ANTXR1: variants seen among roughly 807,000 people sequenced by gnomAD.
ANTXR1 encodes the protein ANTXR cell adhesion molecule 1.
ANTXR1 carries 19 observed loss-of-function variants against 78.1 expected under a neutral mutation model. The observed-to-expected ratio is 0.24, with a 90% CI of 0.17 to 0.36. The LOEUF is 0.36. ANTXR1 is among the 10% of genes least tolerant of loss of function. ANTXR1 has a pLI of 1.00. For missense variants in ANTXR1, 518 were observed against 718.6 expected (o/e 0.72, Z 3.19); for synonymous variants, 273 against 260.5 (o/e 1.05, Z -0.46).
In ANTXR1 at chr2:69,013,368, GGGA is replaced by G; in HGVS notation, c.-130_-128del. The G allele has an allele frequency of 8.0e-7, 1 of 1,243,252 alleles. No individual in the cohort carries two copies. The highest frequency in any genetic ancestry group is 1.5e-5 in the African/African-American group (1 of 67,626). 77.0% of individuals were successfully genotyped at this position (1,243,252 alleles called of 1,614,324 possible). A position where few individuals can be genotyped will look rare whatever the true frequency, so the allele number is the denominator to read the frequency against. On this transcript the variant is annotated 5_prime_UTR_variant, in exon 1 of 18. Coordinates refer to ENST00000303714, the MANE Select transcript of ANTXR1 (RefSeq NM_032208.3). This position sits in a 1 kb window ranked among gnomAD's most constrained non-coding sequence, Gnocchi z 5.0. ...GAACTCCTCCAGACAATTGCTTCCG[GGGA>G]GTTGCGAGGGAGCGAGGGGGAATAA...
chr2:69,085,477 A>T (rs11691343), intron 8 of ANTXR1, among the ~76,000 whole-genome samples: 107,578 of 151,974 alleles, frequency 0.71, 38,631 homozygotes, highest in African/African-American at 0.81. Context: ...ACTTGTATTC[A>T]GAAGACCCTG....
chr2:69,167,446 C>G (rs765210468), intron 13 of ANTXR1, among the ~76,000 whole-genome samples: 3 of 152,222 alleles, frequency 2.0e-5, no homozygotes, highest in Non-Finnish European at 4.4e-5. Context: ...GCTGACATGT[C>G]TCTGTGCTCA....
chr2:69,091,189 A>C (rs192136191), intron 9 of ANTXR1, among the ~76,000 whole-genome samples: 1 of 152,032 alleles, frequency 6.6e-6, no homozygotes, highest in Admixed American at 6.6e-5. Flanking sequence ...CCTGTAATCC[A>C]AGCACTTTGG....
intron 2 of ANTXR1, 102 bp downstream of exon 2, chr2:69,040,217 T>C: frequency 1.9e-6 from 2 of 1,067,202 alleles, no homozygotes; most frequent in Non-Finnish European, 2.8e-6. Flanking sequence ...TGGGGATGTT[T>C]TTTGACTAAG....
In ANTXR1 at chr2:69,172,372, T is replaced by C. The variant is rs368125397; in HGVS notation, c.1089+2083T>C. The C allele has an allele frequency of 2.7e-4, 438 of 1,610,146 alleles. 2 individuals carry two copies. In the Middle Eastern group the frequency reaches 7.6e-3, roughly 28 times the overall value. On this transcript the variant is annotated intron_variant, in intron 14 of 17. Transcript: ENST00000303714. ...TTCCTAATGTATTTTGGCAGGAAAATAAAATAAAATAACAAGAAGAAGAAA... is the reference window on the plus strand; with the variant it reads ...TTCCTAATGTATTTTGGCAGGAAAACAAAATAAAATAACAAGAAGAAGAAA...
At chr2:69,241,715 G>C (rs1162358386) in intron 17 of ANTXR1, among the ~76,000 whole-genome samples, 2 of 151,910 alleles carry the variant, frequency 1.3e-5, no homozygotes, top group Non-Finnish European at 2.9e-5. Flanking sequence ...AGCTCACTCA[G>C]AAGACACTAA....
intron 17 of ANTXR1, 27 bp downstream of exon 17, chr2:69,193,442 GTCTC>G (rs10627389): frequency 1.9e-4 from 237 of 1,225,170 alleles, no homozygotes; most frequent in Non-Finnish European, 2.3e-4. Flanking sequence ...CATTAATGGT[GTCTC>G]TCTCTCTCTC....
intron 1 of ANTXR1, among the ~76,000 whole-genome samples, chr2:69,022,195 C>T (rs1484495502): frequency 6.6e-6 from 1 of 152,210 alleles, no homozygotes; most frequent in East Asian, 1.9e-4. Flanking sequence ...TCAGAGGATG[C>T]CTGTACACTG....
chr2:69,246,843 T>C lies in ANTXR1; in HGVS notation c.*1358T>C, dbSNP rs1212149971. ...TTGTCTTGGACCTCCTGCATCAGCC[T>C]ATTCAAAATTATCTCTCTCTCTAGC... On this transcript the variant is annotated 3_prime_UTR_variant, in exon 18 of 18. Transcript: ENST00000303714. 1.3e-5 allele frequency: 2 copies of C among 152,238 alleles called. No individual in the cohort carries two copies. The highest frequency in any genetic ancestry group is 2.9e-5 in the Non-Finnish European group (2 of 68,038). 9.4% of individuals were successfully genotyped at this position (152,238 alleles called of 1,614,324 possible). A position where few individuals can be genotyped will look rare whatever the true frequency, so the allele number is the denominator to read the frequency against.
rs1337573138 is a variant in ANTXR1, at chr2:69,199,656, T to TC, written c.1434+6248dup. ...GTTATCACCTAGAGAGCTTTCAAGGTCCCCCCCTAAAGGTTCTGTTTAATT... is the reference window on the plus strand; with the variant it reads ...GTTATCACCTAGAGAGCTTTCAAGGTCCCCCCCCTAAAGGTTCTGTTTAATT... On this transcript the variant is annotated intron_variant, in intron 17 of 17. Coordinates refer to ENST00000303714, the MANE Select transcript of ANTXR1 (RefSeq NM_032208.3). Among the ~76,000 whole-genome samples, 7 of 151,948 alleles carry TC rather than the reference T, an allele frequency of 4.6e-5. 1 individual carries two copies. In the South Asian group the frequency reaches 1.3e-3, roughly 27 times the overall value.
Position 69,037,142 on chromosome 2 carries a change from G to A in ANTXR1, c.153-2902G>A, listed in dbSNP as rs527660208. ...AGGCTTCTTACTTCACGTAAGTCAC[G>A]GGAATTGGCGAGAGCCATCTGAGTC... On this transcript the variant is annotated intron_variant, in intron 1 of 17. Coordinates refer to ENST00000303714, the MANE Select transcript of ANTXR1 (RefSeq NM_032208.3). 4.6e-5 allele frequency among the ~76,000 whole-genome samples: 7 copies of A among 152,316 alleles called. No individual in the cohort carries two copies. The East Asian group carries it at 5.8e-4, about 13-fold the overall frequency.
intron 10 of ANTXR1, among the ~76,000 whole-genome samples, chr2:69,105,492 C>T (rs1443150274): frequency 6.6e-6 from 1 of 152,214 alleles, no homozygotes; most frequent in Non-Finnish European, 1.5e-5. Flanking sequence ...GTTAGTAATT[C>T]ACCTGTTCAT....
intron 3 of ANTXR1, among the ~76,000 whole-genome samples, chr2:69,059,873 G>T (rs1025450266): frequency 1.3e-5 from 2 of 152,162 alleles, no homozygotes; most frequent in Non-Finnish European, 2.9e-5. Context: ...CTTAAGGTAT[G>T]TGAAGGTCTA....
chr2:69,238,916 G>A (rs1036212664), intron 17 of ANTXR1, among the ~76,000 whole-genome samples: 16 of 152,186 alleles, frequency 1.1e-4, no homozygotes, highest in Middle Eastern at 3.4e-3. Context: ...CCCTCTCCAC[G>A]GAGCGTGCCT....
Position 69,145,269 on chromosome 2 carries a change from C to G in ANTXR1, c.952-6900C>G, listed in dbSNP as rs1673190047. ...GGGTCCCTGCTAGGCCCTTCTAAGG[C>G]CAGGGGAGTAGCCCTTATAATTTTG... is the stretch of plus-strand genomic sequence containing the variant. On this transcript the variant is annotated intron_variant, in intron 12 of 17. Coordinates refer to ENST00000303714, the MANE Select transcript of ANTXR1 (RefSeq NM_032208.3). 3 of 1,529,292 alleles carry G rather than the reference C, an allele frequency of 2.0e-6. No individual in the cohort carries two copies. In the African/African-American group the frequency reaches 4.1e-5, roughly 21 times the overall value. The allele number at this position is 1,529,292 out of a possible 1,614,324, so 94.7% of individuals were successfully genotyped here.
chr2:69,123,183 C>T, intron 11 of ANTXR1, 97 bp downstream of exon 11: 2 of 1,304,436 alleles, frequency 1.5e-6, no homozygotes, highest in Middle Eastern at 1.8e-4. Context: ...AAAGTGGAGC[C>T]TTTCTCTAGG....
At chr2:69,105,947 C>G (rs569932876) in intron 10 of ANTXR1, among the ~76,000 whole-genome samples, 1 of 152,156 alleles carries the variant, frequency 6.6e-6, no homozygotes, top group South Asian at 2.1e-4. Flanking sequence ...CAAAATCTGT[C>G]AAAAGAACAA....
At position 69,013,588 on chromosome 2, in the gene ANTXR1, G is replaced by T. The variant is rs756490814; in HGVS notation, c.89G>T (p.Gly30Val). The change falls in exon 1 of 18, where the codon GGA (glycine) becomes GTA (valine). Residue 30 changes from glycine to valine, a missense_variant. By Grantham distance (109) the Gly-to-Val change is moderately radical. Around this residue, in one of 5 missense-constraint regions of ANTXR1, gnomAD observed 55 missense variants for 52.5 expected, o/e 1.05. Transcript: ENST00000303714. The surrounding 1 kb of genome is among the most constrained non-coding windows in gnomAD (Gnocchi z 5.0). ...TLVLICAGQG[G>V]RREDGGPACY... is the part of the protein sequence containing the mutation. ...GTGCTCATCTGCGCCGGGCAAGGGG[G>T]ACGCAGGGAGGATGGGGGTCCAGCC... 1.9e-5 allele frequency: 29 copies of T among 1,565,572 alleles called. No individual in the cohort carries two copies. Among genetic ancestry groups the T allele is most frequent in the Non-Finnish European group, 2.5e-5 (29 of 1,154,386 alleles).
intron 1 of ANTXR1, among the ~76,000 whole-genome samples, chr2:69,034,929 C>G (rs952777696): frequency 6.6e-6 from 1 of 152,142 alleles, no homozygotes. Flanking sequence ...TTTCCCCCAG[C>G]CAACACCTAC....
Sources: gnomAD v4.1 joint callset for allele counts (sites outside exome capture counted in the v4.1 genomes callset) on GRCh38, gnomAD v4.1.1 for gene constraint, gnomAD v4.1.1 regional missense constraint, Gnocchi (gnomAD v3.1) non-coding constraint, MANE v1.5 for transcripts, NCBI Gene and HGNC (gene_info 2026-07-23, HGNC 2026-07-21) for gene names.